RPS6KB1: variants seen among roughly 807,000 people sequenced by gnomAD.
The protein encoded by RPS6KB1 is ribosomal protein S6 kinase beta-1.
Under a neutral mutation model 70.2 loss-of-function variants are expected in RPS6KB1, and 12 were observed. That is an observed-to-expected ratio of 0.17 (90% CI 0.11 to 0.28). The LOEUF (loss-of-function observed/expected upper bound fraction) is 0.28, where lower values mean the gene tolerates loss of function less well. RPS6KB1 is among the 10% of genes least tolerant of loss of function. RPS6KB1 has a pLI of 1.00. For synonymous variants in RPS6KB1, 175 were observed against 211.2 expected (o/e 0.83, Z 1.49); for missense variants, 270 against 646.6 (o/e 0.42, Z 6.32).
chr17:59,914,675 A>C lies in RPS6KB1; in HGVS notation c.353A>C (p.Lys118Thr). 1 of 1,612,952 alleles carries C rather than the reference A, an allele frequency of 6.2e-7. No individual in the cohort carries two copies. The highest frequency in any genetic ancestry group is 1.1e-5 in the South Asian group (1 of 90,778). Residue 118 changes from lysine (K) to threonine (T), a missense_variant, in exon 4 of 15, where the codon AAA becomes ACA. Lys to Thr is a moderately conservative substitution (Grantham distance 78). Transcript: ENST00000225577. ...VRKVTGANTG[K>T]IFAMKVLKKA... Reference sequence around the variant, plus strand: ...AAAGTAACAGGAGCAAATACTGGGAAAATATTTGCCATGAAGGTGCTTAAA... The same window carrying C: ...AAAGTAACAGGAGCAAATACTGGGACAATATTTGCCATGAAGGTGCTTAAA...
intron 1 of RPS6KB1, among the ~76,000 whole-genome samples, chr17:59,894,785 A>C (rs1568360712): frequency 6.6e-6 from 1 of 151,360 alleles, no homozygotes; most frequent in Non-Finnish European, 1.5e-5. Flanking sequence ...TTGTATTTTT[A>C]GTAGAGACAG....
At chr17:59,939,874 C>T (rs573247663) in intron 12 of RPS6KB1, among the ~76,000 whole-genome samples, 6 of 152,288 alleles carry the variant, frequency 3.9e-5, no homozygotes, top group South Asian at 4.1e-4. Flanking sequence ...TTATTATTTA[C>T]TTCCTACATT....
At chr17:59,929,173 C>T (rs1486268115) in intron 5 of RPS6KB1, among the ~76,000 whole-genome samples, 5 of 151,536 alleles carry the variant, frequency 3.3e-5, no homozygotes, top group African/African-American at 7.3e-5. Flanking sequence ...CTCTGTTGCC[C>T]GGGCTGGAGT....
intron 1 of RPS6KB1, among the ~76,000 whole-genome samples, chr17:59,900,171 A>AACACACACACACACACACACAC (rs759914423): frequency 7.8e-5 from 8 of 102,422 alleles, no homozygotes; most frequent in East Asian, 3.1e-4. Flanking sequence ...CTAATTGCTA[A>AACACACACACACACACACACAC]ACACACACAC....
rs1359569280 is a variant in RPS6KB1, at chr17:59,893,464, G to T, written c.141+139G>T. The T allele has an allele frequency of 2.1e-5, 19 of 904,620 alleles. No individual in the cohort carries two copies. The highest frequency in any genetic ancestry group is 1.7e-6 in the Non-Finnish European group (1 of 602,482). 56.0% of individuals were successfully genotyped at this position (904,620 alleles called of 1,614,324 possible). ...GAGGGTCGCGCGGCCTGAGACAGGGGAGCGGGCGGGGCGGTCATGGCCCTA... is the reference window on the plus strand; with the variant it reads ...GAGGGTCGCGCGGCCTGAGACAGGGTAGCGGGCGGGGCGGTCATGGCCCTA... On this transcript the variant is annotated intron_variant, in intron 1 of 14. Coordinates refer to ENST00000225577, the MANE Select transcript of RPS6KB1 (RefSeq NM_003161.4). This position sits in a 1 kb window ranked among gnomAD's most constrained non-coding sequence, Gnocchi z 4.1.
intron 4 of RPS6KB1, among the ~76,000 whole-genome samples, chr17:59,915,789 T>A (rs868448774): frequency 2.4e-4 from 25 of 103,132 alleles, no homozygotes; most frequent in Non-Finnish European, 4.0e-4. Flanking sequence ...TTTTTTTTTT[T>A]TTTTTTTTTT....
intron 5 of RPS6KB1, among the ~76,000 whole-genome samples, chr17:59,927,341 C>A (rs180529): frequency 0.14 from 21,641 of 151,880 alleles, 1,690 homozygotes; most frequent in Middle Eastern, 0.19. Context: ...AACTCGGCCT[C>A]CCAAAATGCT....
At chr17:59,904,377 C>T (rs559677078) in intron 1 of RPS6KB1, among the ~76,000 whole-genome samples, 2 of 150,916 alleles carry the variant, frequency 1.3e-5, no homozygotes, top group African/African-American at 4.9e-5. Context: ...CTGCGCACAG[C>T]CCGGAGTAAT....
intron 4 of RPS6KB1, among the ~76,000 whole-genome samples, chr17:59,915,189 C>T (rs1339673884): frequency 6.6e-6 from 1 of 151,932 alleles, no homozygotes; most frequent in Admixed American, 6.6e-5. Flanking sequence ...GGGGTTTCAC[C>T]ATATTGGCCA....
chr17:59,935,586 C>T (rs1269341433), intron 10 of RPS6KB1, among the ~76,000 whole-genome samples: 11 of 151,122 alleles, frequency 7.3e-5, no homozygotes, highest in Middle Eastern at 3.4e-3. Context: ...GCGATTCTTC[C>T]GCCTCAGCCT....
At chr17:59,918,584 G>A (rs1345930356) in intron 4 of RPS6KB1, among the ~76,000 whole-genome samples, 3 of 151,730 alleles carry the variant, frequency 2.0e-5, no homozygotes, top group Non-Finnish European at 2.9e-5. Flanking sequence ...TGGCCAGACT[G>A]GTCTTGAACT....
Position 59,934,845 on chromosome 17 carries a change from A to G in RPS6KB1, c.870+321A>G. 2.6e-6 allele frequency: 1 copy of G among 378,720 alleles called. No homozygotes were observed. Among genetic ancestry groups the G allele is most frequent in the Non-Finnish European group, 4.8e-6 (1 of 209,732 alleles). 23.5% of individuals were successfully genotyped at this position (378,720 alleles called of 1,614,324 possible). The stretch of plus-strand genomic sequence containing the variant: ...CACACAGAAAGTTAATGGTGGAAAC[A>G]CAGGCTTCCTTCCAGGACACTGCTA... On this transcript the variant is annotated intron_variant, in intron 9 of 14. Coordinates refer to ENST00000225577, the MANE Select transcript of RPS6KB1 (RefSeq NM_003161.4). This position sits in a 1 kb window ranked among gnomAD's most constrained non-coding sequence, Gnocchi z 4.8.
intron 1 of RPS6KB1, among the ~76,000 whole-genome samples, chr17:59,908,864 C>A (rs1278305850): frequency 7.1e-6 from 1 of 141,662 alleles, no homozygotes; most frequent in Non-Finnish European, 1.5e-5. Context: ...GTGATCCGCC[C>A]GCCTCGGCCT....
chr17:59,923,969 T>C (rs1343908959), intron 4 of RPS6KB1, among the ~76,000 whole-genome samples: 1 of 152,234 alleles, frequency 6.6e-6, no homozygotes, highest in Non-Finnish European at 1.5e-5. Context: ...AAGTTTGATT[T>C]AATATTTCTT....
intron 7 of RPS6KB1, 51 bp downstream of exon 7, chr17:59,931,773 T>C: frequency 1.5e-6 from 2 of 1,322,454 alleles, no homozygotes; most frequent in Non-Finnish European, 1.1e-6. Context: ...CTTAAAATCC[T>C]CCCACATAGG....
intron 1 of RPS6KB1, among the ~76,000 whole-genome samples, chr17:59,900,018 A>G (rs2041813803): frequency 6.6e-6 from 1 of 152,058 alleles, no homozygotes; most frequent in African/African-American, 2.4e-5. Flanking sequence ...TTAAAAAAAT[A>G]AATAGTGGGC....
chr17:59,922,229 C>T (rs565442642), intron 4 of RPS6KB1, among the ~76,000 whole-genome samples: 7 of 151,974 alleles, frequency 4.6e-5, no homozygotes, highest in Non-Finnish European at 8.8e-5. Flanking sequence ...GTAGTAGAGA[C>T]GAGGTTTCAC....
At chr17:59,917,417 G>C (rs1429163591) in intron 4 of RPS6KB1, among the ~76,000 whole-genome samples, 1 of 151,824 alleles carries the variant, frequency 6.6e-6, no homozygotes, top group Non-Finnish European at 1.5e-5. Flanking sequence ...CACTGCGCCC[G>C]GCCTATTTAA....
At chr17:59,931,799 A>C in intron 7 of RPS6KB1, 77 bp downstream of exon 7, 1 of 927,704 alleles carries the variant, frequency 1.1e-6, no homozygotes. Context: ...GCCATTTTCA[A>C]AGCCCCAAAT....
Sources: gnomAD v4.1 joint callset for allele counts (sites outside exome capture counted in the v4.1 genomes callset) on GRCh38, gnomAD v4.1.1 for gene constraint, Gnocchi (gnomAD v3.1) non-coding constraint, MANE v1.5 for transcripts, NCBI Gene and HGNC (gene_info 2026-07-23, HGNC 2026-07-21) for gene names.